Variants in ENTPD1 observed in about 807,000 individuals in gnomAD.
ENTPD1 encodes the protein ectonucleoside triphosphate diphosphohydrolase 1.
In ENTPD1, 33 loss-of-function variants were observed where a neutral mutation model predicts 57.0. The ratio of observed to expected loss-of-function variants is 0.58; its 90% CI spans 0.44 to 0.77. The LOEUF (loss-of-function observed/expected upper bound fraction) is 0.77. Ranked by LOEUF, ENTPD1 falls within the 30% of genes least tolerant of loss-of-function variation. The pLI is 0.00. For synonymous variants in ENTPD1, 202 were observed against 218.8 expected (o/e 0.92, Z 0.68); for missense variants, 501 against 603.4 (o/e 0.83, Z 1.78).
intron 1 of ENTPD1, among the ~76,000 whole-genome samples, chr10:95,765,375 G>A (rs377667677): frequency 1.3e-5 from 2 of 152,190 alleles, no homozygotes; most frequent in South Asian, 4.2e-4. Context: ...TATGTTATGA[G>A]GTAGGGGCCA....
At chr10:95,850,273 C>G (rs939597224) in intron 7 of ENTPD1, among the ~76,000 whole-genome samples, 5 of 152,222 alleles carry the variant, frequency 3.3e-5, no homozygotes, top group African/African-American at 1.2e-4. Context: ...CTAGATACAG[C>G]CCTCAGGGTC....
intron 2 of ENTPD1, among the ~76,000 whole-genome samples, chr10:95,824,044 C>A (rs1485060726): frequency 6.6e-6 from 1 of 152,114 alleles, no homozygotes; most frequent in Non-Finnish European, 1.5e-5. Flanking sequence ...TCCAGTTCAT[C>A]AAAGTAAAAT....
intron 1 of ENTPD1, among the ~76,000 whole-genome samples, chr10:95,733,054 T>C (rs902356260): frequency 1.3e-5 from 2 of 152,332 alleles, no homozygotes; most frequent in East Asian, 3.9e-4. Context: ...TTACTCACCG[T>C]AATAGGCCTG....
At chr10:95,819,887 A>T (rs1358425811) in intron 1 of ENTPD1, among the ~76,000 whole-genome samples, 1 of 152,250 alleles carries the variant, frequency 6.6e-6, no homozygotes, top group East Asian at 1.9e-4. Flanking sequence ...ATACCATTTC[A>T]CATTGTATGA....
At chr10:95,740,235 C>T (rs376011796) in intron 1 of ENTPD1, among the ~76,000 whole-genome samples, 7 of 152,200 alleles carry the variant, frequency 4.6e-5, no homozygotes, top group South Asian at 2.1e-4. Flanking sequence ...AAGTGATTCT[C>T]GTGCCTCGGC....
intron 1 of ENTPD1, among the ~76,000 whole-genome samples, chr10:95,758,070 CT>C (rs2098037845): frequency 7.1e-6 from 1 of 141,004 alleles, no homozygotes; most frequent in Admixed American, 7.3e-5. Context: ...TCTGGTTTTT[CT>C]TCCAACCTAC....
chr10:95,815,708 A>G (rs2098327775), intron 1 of ENTPD1, among the ~76,000 whole-genome samples: 1 of 152,230 alleles, frequency 6.6e-6, no homozygotes, highest in African/African-American at 2.4e-5. Flanking sequence ...ACGGGTCTGC[A>G]GTAACCTCAA....
chr10:95,699,160 G>A, the ENTPD1 span, among the ~76,000 whole-genome samples: 11 of 151,744 alleles, frequency 7.2e-5, no homozygotes, highest in South Asian at 1.7e-3. Flanking sequence ...GGGTGACAAA[G>A]TCTCTTAAGT....
chr10:95,695,799 CA>C, the ENTPD1 span, among the ~76,000 whole-genome samples: 6 of 152,186 alleles, frequency 3.9e-5, no homozygotes, highest in African/African-American at 4.8e-5. Context: ...GTGTCTGGGA[CA>C]TGTTAGATGT....
rs71034350 is a variant in ENTPD1, at chr10:95,760,814, C to CTTTTTTTTTTTTTTTTT, written c.16+4576_16+4592dup. On this transcript the variant is annotated intron_variant, in intron 1 of 9. Transcript: ENST00000371205. ...TGGAGTAAATTACATAGAGTTTATT[C>CTTTTTTTTTTTTTTTTT]TTTTTTTTTTTTTTTTTTTTTTTTT... 6.8e-4 allele frequency among the ~76,000 whole-genome samples: 43 copies of CTTTTTTTTTTTTTTTTT among 62,968 alleles called. 7 individuals carry two copies. Among genetic ancestry groups the CTTTTTTTTTTTTTTTTT allele is most frequent in the African/African-American group, 8.7e-4 (13 of 14,916 alleles). The allele number at this position is 62,968 out of a possible 152,430, so 41.3% of individuals were successfully genotyped here. A position where few individuals can be genotyped will look rare whatever the true frequency, so the allele number is the denominator to read the frequency against.
In ENTPD1 at chr10:95,829,602, G is replaced by A. The variant is rs898260920; in HGVS notation, c.144+6238G>A. ...CCTCCTGATTTTTGTGGAGGTGAGG[G>A]TTCTTCGTACAAATAATTTCAATAT... On this transcript the variant is annotated intron_variant, in intron 2 of 9. Transcript: ENST00000371205. 2.6e-5 allele frequency among the ~76,000 whole-genome samples: 4 copies of A among 152,302 alleles called. No homozygotes were observed. In the South Asian group the frequency reaches 8.3e-4, roughly 32 times the overall value.
intron 4 of ENTPD1, chr10:95,843,172 T>A (rs892318267): frequency 6.6e-6 from 1 of 152,216 alleles, no homozygotes; most frequent in African/African-American, 2.4e-5. Flanking sequence ...ACAGACAGCA[T>A]GCATTCAGTA....
rs537467163 is a variant in ENTPD1, at chr10:95,822,234, G to A, written c.17-1003G>A. ...AGGATAGTCTTGATCTGTTGACCTCGTGATCCACCTGCCTCAGCCTCCCAA... is the reference window on the plus strand; with the variant it reads ...AGGATAGTCTTGATCTGTTGACCTCATGATCCACCTGCCTCAGCCTCCCAA... On this transcript the variant is annotated intron_variant, in intron 1 of 9. Coordinates refer to ENST00000371205, the MANE Select transcript of ENTPD1 (RefSeq NM_001776.6). Among the ~76,000 whole-genome samples, 145 of 151,940 alleles carry A rather than the reference G, an allele frequency of 9.5e-4. 6 individuals carry two copies. In the South Asian group the frequency reaches 0.03, roughly 31 times the overall value.
At chr10:95,783,220 C>T (rs1196890423) in intron 1 of ENTPD1, among the ~76,000 whole-genome samples, 1 of 152,062 alleles carries the variant, frequency 6.6e-6, no homozygotes, top group Non-Finnish European at 1.5e-5. Context: ...TTTGGAAGCT[C>T]CCTAATTCAC....
At position 95,842,331 on chromosome 10, in the gene ENTPD1, C is replaced by T; in HGVS notation, c.263-13C>T. 2.5e-6 allele frequency: 4 copies of T among 1,606,856 alleles called. No individual in the cohort carries two copies. The highest frequency in any genetic ancestry group is 3.4e-6 in the Non-Finnish European group (4 of 1,173,628). Reference sequence around the variant, plus strand: ...TTTTTTAAAAGATTGTTATCTTCTACATTTTTTCCTAGGTCCTGGAATCTC... The same window carrying T: ...TTTTTTAAAAGATTGTTATCTTCTATATTTTTTCCTAGGTCCTGGAATCTC... On this transcript the variant is annotated splice_polypyrimidine_tract_variant and intron_variant, in intron 3 of 9. Coordinates refer to ENST00000371205, the MANE Select transcript of ENTPD1 (RefSeq NM_001776.6).
chr10:95,852,496 G>A (rs2098447152), intron 7 of ENTPD1, among the ~76,000 whole-genome samples: 1 of 152,186 alleles, frequency 6.6e-6, no homozygotes, highest in Admixed American at 6.5e-5. Flanking sequence ...TAGACATGAA[G>A]TCTTTGCCCA....
At chr10:95,799,946 G>A (rs756901539) in intron 1 of ENTPD1, among the ~76,000 whole-genome samples, 1 of 152,068 alleles carries the variant, frequency 6.6e-6, no homozygotes, top group Non-Finnish European at 1.5e-5. Context: ...AAGAGTGTCT[G>A]TTCATGTCCT....
At chr10:95,695,706 C>CAGATT in the ENTPD1 span, among the ~76,000 whole-genome samples, 1 of 152,108 alleles carries the variant, frequency 6.6e-6, no homozygotes, top group African/African-American at 2.4e-5. Context: ...ATTATATGAT[C>CAGATT]ATATGTATAT....
chr10:95,698,965 T>A, the ENTPD1 span, among the ~76,000 whole-genome samples: 1 of 151,928 alleles, frequency 6.6e-6, no homozygotes, highest in Non-Finnish European at 1.5e-5. Context: ...AGATCTACAT[T>A]TGAAAAAGAA....
Sources: allele counts gnomAD v4.1 joint callset (sites outside exome capture counted in the v4.1 genomes callset), GRCh38; gene constraint gnomAD v4.1.1; transcripts MANE v1.5; gene names NCBI Gene and HGNC (gene_info 2026-07-23, HGNC 2026-07-21).